The following C8A variants were observed in gnomAD, a reference collection of about 807,000 sequenced individuals.
C8A encodes complement C8 alpha chain.
A neutral mutation model predicts 65.3 loss-of-function variants in C8A; 67 were observed. The observed-to-expected ratio is 1.03, with a 90% CI of 0.84 to 1.26. C8A has a LOEUF of 1.26. Ranked by LOEUF, C8A falls within the 50% of genes most tolerant of loss-of-function variation. C8A has a pLI of 0.00. For synonymous variants in C8A, 290 were observed against 259.4 expected (o/e 1.12, Z -1.13); for missense variants, 781 against 723.9 (o/e 1.08, Z -0.90).
chr1:56,860,306 A>AG (rs1644020512), intron 1 of C8A, among the ~76,000 whole-genome samples: 1 of 152,152 alleles, frequency 6.6e-6, no homozygotes, highest in South Asian at 2.1e-4. Flanking sequence ...TGAGAACTGA[A>AG]GGATGGGAGC....
intron 2 of C8A, among the ~76,000 whole-genome samples, chr1:56,873,536 G>C (rs961441452): frequency 6.6e-6 from 1 of 152,128 alleles, no homozygotes; most frequent in Non-Finnish European, 1.5e-5. Flanking sequence ...CTATAATTAG[G>C]TAAGTCATTT....
At chr1:56,868,283 CTT>C (rs1350975453) in intron 2 of C8A, among the ~76,000 whole-genome samples, 7 of 151,500 alleles carry the variant, frequency 4.6e-5, no homozygotes, top group Admixed American at 6.6e-5. Flanking sequence ...AAAATTCTGA[CTT>C]TGTTCAGAAT....
intron 4 of C8A, 94 bp from the exon 5 acceptor site, chr1:56,881,351 T>A: frequency 8.1e-7 from 1 of 1,229,574 alleles, no homozygotes; most frequent in Non-Finnish European, 1.2e-6. Flanking sequence ...TAGGTAAACG[T>A]GTGCCATGGT....
intron 1 of C8A, among the ~76,000 whole-genome samples, chr1:56,866,954 T>C (rs906243368): frequency 6.6e-6 from 1 of 152,212 alleles, no homozygotes; most frequent in East Asian, 1.9e-4. Flanking sequence ...GCCTCTGTCA[T>C]TCCTGGGTTA....
At chr1:56,880,858 C>T (rs759238596) in intron 4 of C8A, among the ~76,000 whole-genome samples, 5 of 152,092 alleles carry the variant, frequency 3.3e-5, no homozygotes, top group African/African-American at 4.8e-5. Flanking sequence ...ATGACTAAAC[C>T]GAGGCACAGA....
chr1:56,876,261 T>C (rs1644198387), intron 4 of C8A, 52 bp downstream of exon 4: 1 of 1,609,402 alleles, frequency 6.2e-7, no homozygotes. Flanking sequence ...TTGTCTTCAA[T>C]CGTGAGCATT....
In C8A at chr1:56,859,995, G is replaced by A. The variant is rs563837854; in HGVS notation, c.77+5017G>A. On this transcript the variant is annotated intron_variant, in intron 1 of 10. Coordinates refer to ENST00000361249, the MANE Select transcript of C8A (RefSeq NM_000562.3). ...CGAGAATTGCTTGAACCTGGGAGCC[G>A]GAGGCTGCAGGGAGCCGAGATCGTG... 2.4e-3 allele frequency among the ~76,000 whole-genome samples: 365 copies of A among 152,262 alleles called. 2 individuals carry two copies. The highest frequency in any genetic ancestry group is 2.8e-3 in the Non-Finnish European group (190 of 68,022).
intron 4 of C8A, among the ~76,000 whole-genome samples, chr1:56,877,330 C>G (rs1010194320): frequency 1.1e-4 from 17 of 152,046 alleles, no homozygotes; most frequent in Non-Finnish European, 1.8e-4. Context: ...TGTAACAGCC[C>G]CCTCCCCTGC....
intron 10 of C8A, among the ~76,000 whole-genome samples, chr1:56,915,895 G>A (rs978917735): frequency 6.6e-6 from 1 of 152,176 alleles, no homozygotes; most frequent in African/African-American, 2.4e-5. Context: ...TTTGGGGAGT[G>A]GAAAGTGGGG....
Position 56,917,721 on chromosome 1 carries a change from C to T in C8A, c.*5C>T. On this transcript the variant is annotated 3_prime_UTR_variant, in exon 11 of 11. Transcript: ENST00000361249. ...GTACAGACGCAGGCTTGCTGAGGGC[C>T]TCTGGACACAGGCTGGACCAGATGC... 1 of 1,613,970 alleles carries T rather than the reference C, an allele frequency of 6.2e-7. No homozygotes were observed. The highest frequency in any genetic ancestry group is 8.5e-7 in the Non-Finnish European group (1 of 1,180,016).
chr1:56,903,210 C>A (rs937155213), intron 7 of C8A, among the ~76,000 whole-genome samples: 1 of 152,124 alleles, frequency 6.6e-6, no homozygotes, highest in Non-Finnish European at 1.5e-5. Flanking sequence ...AAAATCCCCA[C>A]GTCTCATGGG....
intron 7 of C8A, 62 bp from the exon 8 acceptor site, chr1:56,906,605 G>T: frequency 6.3e-7 from 1 of 1,581,598 alleles, no homozygotes; most frequent in Non-Finnish European, 8.7e-7. Flanking sequence ...TGACATAGTT[G>T]TACCATGTCA....
chr1:56,899,567 T>C (rs1445069888), intron 7 of C8A, among the ~76,000 whole-genome samples: 1 of 152,182 alleles, frequency 6.6e-6, no homozygotes, highest in Non-Finnish European at 1.5e-5. Flanking sequence ...GCCTATGAAG[T>C]CACCGGGTGC....
intron 1 of C8A, among the ~76,000 whole-genome samples, chr1:56,864,969 A>G (rs992756504): frequency 6.6e-6 from 1 of 152,200 alleles, no homozygotes; most frequent in Non-Finnish European, 1.5e-5. Context: ...GGTCAAAATC[A>G]AGGCAGTGGC....
chr1:56,903,593 C>T (rs1351986551), intron 7 of C8A, among the ~76,000 whole-genome samples: 1 of 152,136 alleles, frequency 6.6e-6, no homozygotes, highest in African/African-American at 2.4e-5. Context: ...GCCTTGGCTT[C>T]TTCTAGTTCT....
At chr1:56,860,836 G>A (rs923540982) in intron 1 of C8A, among the ~76,000 whole-genome samples, 35 of 152,180 alleles carry the variant, frequency 2.3e-4, no homozygotes, top group Admixed American at 1.3e-3. Context: ...AAGAAAGACC[G>A]GACTGCACTT....
At chr1:56,864,433 G>C (rs1294820107) in intron 1 of C8A, among the ~76,000 whole-genome samples, 1 of 152,112 alleles carries the variant, frequency 6.6e-6, no homozygotes, top group Non-Finnish European at 1.5e-5. Flanking sequence ...TGAGATAATG[G>C]AGATCCCAAT....
intron 1 of C8A, 66 bp downstream of exon 1, chr1:56,855,044 T>C: frequency 8.4e-7 from 1 of 1,187,150 alleles, no homozygotes; most frequent in South Asian, 1.2e-5. Flanking sequence ...ACTAAGACAC[T>C]TTTATGTTTG....
intron 1 of C8A, among the ~76,000 whole-genome samples, chr1:56,862,110 G>A (rs1470817186): frequency 2.0e-5 from 3 of 152,184 alleles, no homozygotes; most frequent in Non-Finnish European, 1.5e-5. Flanking sequence ...GTGGTTTGAT[G>A]AGCATGTGTG....
Sources: allele counts gnomAD v4.1 joint callset (sites outside exome capture counted in the v4.1 genomes callset), GRCh38; gene constraint gnomAD v4.1.1; transcripts MANE v1.5; gene names NCBI Gene and HGNC (gene_info 2026-07-23, HGNC 2026-07-21).